The following BLTP2 variants were observed in gnomAD, a reference collection of about 807,000 sequenced individuals.
BLTP2 encodes the protein bridge-like lipid transfer protein family member 2, also known as U937-associated antigen.
chr17:28,622,979 G>A, the BLTP2 span, among the ~76,000 whole-genome samples: 4 of 152,176 alleles, frequency 2.6e-5, no homozygotes, highest in Non-Finnish European at 4.4e-5. Flanking sequence ...GGAGGCTGAG[G>A]CAGGAGAATG....
At chr17:28,636,980 G>A in the BLTP2 span, 4 of 1,614,088 alleles carry the variant, frequency 2.5e-6, no homozygotes, top group Non-Finnish European at 3.4e-6. Context: ...GAGAGCGGAT[G>A]CTGCTGTGAT....
chr17:28,631,695 G>T, the BLTP2 span: 1 of 1,613,892 alleles, frequency 6.2e-7, no homozygotes, highest in Non-Finnish European at 8.5e-7. Flanking sequence ...AGAAAAAGAG[G>T]CACACAGAGA....
the BLTP2 span, chr17:28,638,922 C>A: frequency 4.6e-6 from 2 of 432,042 alleles, no homozygotes; most frequent in African/African-American, 2.0e-5. Flanking sequence ...TACGCTTGAA[C>A]CTAAAATAAC....
At chr17:28,639,742 A>G in the BLTP2 span, 25 of 1,420,286 alleles carry the variant, frequency 1.8e-5, no homozygotes, top group Admixed American at 8.4e-5. Flanking sequence ...ACAGACTGTC[A>G]TCAAAACTTG....
the BLTP2 span, chr17:28,623,655 TCTG>T: frequency 3.3e-6 from 3 of 922,800 alleles, no homozygotes; most frequent in East Asian, 2.4e-5. Context: ...GCCTCATTAT[TCTG>T]CTAAGCTAGT....
chr17:28,640,024 G>A, the BLTP2 span: 1 of 1,613,256 alleles, frequency 6.2e-7, no homozygotes, highest in African/African-American at 1.3e-5. Context: ...CAAGTCAGGT[G>A]CCTGGACCGA....
the BLTP2 span, chr17:28,639,690 G>C: frequency 1.3e-6 from 2 of 1,566,586 alleles, no homozygotes; most frequent in East Asian, 2.2e-5. Context: ...GGAAGGGCAA[G>C]AGGTAAAACT....
chr17:28,630,400 C>T, the BLTP2 span, among the ~76,000 whole-genome samples: 1 of 151,992 alleles, frequency 6.6e-6, no homozygotes. Context: ...TCAAGCAATC[C>T]ACCTGCTTCA....
the BLTP2 span, among the ~76,000 whole-genome samples, chr17:28,631,067 T>C: frequency 2.0e-5 from 3 of 152,222 alleles, no homozygotes; most frequent in Non-Finnish European, 2.9e-5. Flanking sequence ...CTATGGACTT[T>C]ACTGTGTTCC....
the BLTP2 span, chr17:28,614,836 C>T: frequency 2.2e-6 from 1 of 445,642 alleles, no homozygotes; most frequent in African/African-American, 2.0e-5. Flanking sequence ...TTCCCTGGGT[C>T]TTGCTCTCTT....
chr17:28,623,681 C>G, the BLTP2 span: 1 of 1,188,544 alleles, frequency 8.4e-7, no homozygotes, highest in East Asian at 2.3e-5. Context: ...CAGCAGGTTA[C>G]TGTCAAGAAT....
chr17:28,628,095 C>G, the BLTP2 span, among the ~76,000 whole-genome samples: 1 of 152,204 alleles, frequency 6.6e-6, no homozygotes, highest in African/African-American at 2.4e-5. Flanking sequence ...AATGCCCCAA[C>G]ATCACTGTTA....
At chr17:28,628,787 A>G in the BLTP2 span, among the ~76,000 whole-genome samples, 2 of 152,166 alleles carry the variant, frequency 1.3e-5, no homozygotes, top group Non-Finnish European at 2.9e-5. Flanking sequence ...ACAAAAAATT[A>G]GCTGGGCATG....
chr17:28,635,001 G>A, the BLTP2 span: 1 of 1,613,224 alleles, frequency 6.2e-7, no homozygotes, highest in Non-Finnish European at 8.5e-7. Context: ...GTGGGACAGG[G>A]CTTGGAGAGG....
the BLTP2 span, chr17:28,628,370 T>A: frequency 6.2e-6 from 10 of 1,614,064 alleles, no homozygotes; most frequent in South Asian, 1.1e-5. Flanking sequence ...TTGGCTGGCA[T>A]CTGTGGATCA....
At chr17:28,638,087 T>C in the BLTP2 span, 5 of 1,613,766 alleles carry the variant, frequency 3.1e-6, no homozygotes, top group Non-Finnish European at 2.5e-6. Context: ...AGGCTGGTTA[T>C]AGCTACCCTA....
At chr17:28,640,392 C>T in the BLTP2 span, 1 of 696,990 alleles carries the variant, frequency 1.4e-6, no homozygotes, top group Non-Finnish European at 2.3e-6. Flanking sequence ...GACTCCGTCT[C>T]AAAAATAATA....
the BLTP2 span, among the ~76,000 whole-genome samples, chr17:28,630,321 T>C: frequency 6.6e-6 from 1 of 151,584 alleles, no homozygotes; most frequent in Non-Finnish European, 1.5e-5. Flanking sequence ...CACACCCAGA[T>C]AATTTTTTGT....
the BLTP2 span, chr17:28,643,171 AAG>A: frequency 6.2e-7 from 1 of 1,614,224 alleles, no homozygotes; most frequent in Non-Finnish European, 8.5e-7. Context: ...CACTTGGCAG[AAG>A]ATCTTCAATA....
Sources: gnomAD v4.1 joint callset for allele counts (sites outside exome capture counted in the v4.1 genomes callset) on GRCh38, gnomAD v4.1.1 for gene constraint, MANE v1.5 for transcripts, NCBI Gene and HGNC (gene_info 2026-07-23, HGNC 2026-07-21) for gene names.